AHCYL2: variants seen among roughly 807,000 people sequenced by gnomAD.
AHCYL2 encodes adenosylhomocysteinase like 2.
In AHCYL2, 28 loss-of-function variants were observed where a neutral mutation model predicts 81.4. That is an observed-to-expected ratio of 0.34 (90% CI 0.25 to 0.47). AHCYL2 has a LOEUF of 0.47. Ranked by LOEUF, AHCYL2 falls within the 20% of genes least tolerant of loss-of-function variation. AHCYL2 has a pLI of 1.00. For synonymous variants in AHCYL2, 272 were observed against 290.2 expected, an observed-to-expected ratio of 0.94 and a Z score of 0.64; for missense variants, 551 against 785.1, an observed-to-expected ratio of 0.70 and a Z score of 3.56.
intron 13 of AHCYL2, 116 bp downstream of exon 13, chr7:129,423,054 C>T: frequency 2.7e-6 from 2 of 737,872 alleles, no homozygotes; most frequent in Non-Finnish European, 4.3e-6. Context: ...ACAAGTTTGA[C>T]TACTTTCCCA....
chr7:129,395,136 G>A (rs1411042186), intron 4 of AHCYL2, among the ~76,000 whole-genome samples: 2 of 152,226 alleles, frequency 1.3e-5, no homozygotes, highest in African/African-American at 4.8e-5. Context: ...TCCTCCAGCA[G>A]TGGACTGCTA....
chr7:129,336,538 A>G (rs542576996), intron 1 of AHCYL2, among the ~76,000 whole-genome samples: 2 of 152,142 alleles, frequency 1.3e-5, no homozygotes, highest in Non-Finnish European at 2.9e-5. Flanking sequence ...GATTATGCAC[A>G]GGAGTTTGGA....
chr7:129,323,905 C>G (rs1439876974), intron 1 of AHCYL2, among the ~76,000 whole-genome samples: 1 of 138,974 alleles, frequency 7.2e-6, no homozygotes, highest in South Asian at 2.3e-4. Context: ...GAGTCTCACT[C>G]TTTCGCCCAG....
intron 1 of AHCYL2, among the ~76,000 whole-genome samples, chr7:129,267,043 C>A: frequency 6.6e-6 from 1 of 151,344 alleles, no homozygotes. Context: ...TACTAAGCAG[C>A]CATCAGAAAT....
At chr7:129,320,948 T>C (rs1797993199) in intron 1 of AHCYL2, among the ~76,000 whole-genome samples, 1 of 152,252 alleles carries the variant, frequency 6.6e-6, no homozygotes, top group South Asian at 2.1e-4. Context: ...TGCCAAGTAA[T>C]GTTACATTGT....
At position 129,419,955 on chromosome 7, in the gene AHCYL2, G is replaced by A. The variant is rs531719520; in HGVS notation, c.1462-2885G>A. On this transcript the variant is annotated intron_variant, in intron 12 of 16. Transcript: ENST00000325006. The surrounding 1 kb of genome is among the most constrained non-coding windows in gnomAD (Gnocchi z 4.7). ...GAGAGATTCTTGTCAAGTTGTGCCA[G>A]CCGTAAGGTAGGAAACCCTTCTGCT... is the stretch of plus-strand genomic sequence containing the variant. Among the ~76,000 whole-genome samples the A allele has an allele frequency of 6.6e-6, 1 of 152,326 alleles. No homozygotes were observed. The highest frequency in any genetic ancestry group is 1.5e-5 in the Non-Finnish European group (1 of 68,024).
Position 129,414,623 on chromosome 7 carries a change from A to G in AHCYL2, c.1461+935A>G, listed in dbSNP as rs542244960. ...TTTAGTAGAGGCAGAGTTTCACCAT[A>G]TTGGCTAGGCTGGTCTCAAACTCCT... On this transcript the variant is annotated intron_variant, in intron 12 of 16. Transcript: ENST00000325006. Among the ~76,000 whole-genome samples the G allele has an allele frequency of 3.5e-4, 53 of 151,530 alleles. No individual in the cohort carries two copies. The East Asian group carries it at 8.0e-3, about 23-fold the overall frequency.
At chr7:129,341,652 G>T (rs2150816844) in intron 1 of AHCYL2, among the ~76,000 whole-genome samples, 1 of 152,090 alleles carries the variant, frequency 6.6e-6, no homozygotes, top group South Asian at 2.1e-4. Flanking sequence ...GGTGGTGATG[G>T]AGGTGGGAGG....
At position 129,406,616 on chromosome 7, in the gene AHCYL2, G is replaced by C; in HGVS notation, c.1295+150G>C. 2.2e-5 allele frequency: 17 copies of C among 764,364 alleles called. No homozygotes were observed. The South Asian group carries it at 2.9e-4, about 13-fold the overall frequency. 47.3% of individuals were successfully genotyped at this position (764,364 alleles called of 1,614,324 possible). ...ATCTGTCTTTTAAAAAGGTCAAGGA[G>C]CTCTGCTTGGAGAGAGCAGAGACTA... is the stretch of plus-strand genomic sequence containing the variant. On this transcript the variant is annotated intron_variant, in intron 10 of 16. Coordinates refer to ENST00000325006, the MANE Select transcript of AHCYL2 (RefSeq NM_015328.4). The surrounding 1 kb of genome is among the most constrained non-coding windows in gnomAD (Gnocchi z 4.3).
intron 1 of AHCYL2, among the ~76,000 whole-genome samples, chr7:129,299,366 C>CTTTT (rs1563186610): frequency 1.2e-5 from 1 of 83,732 alleles, no homozygotes. Context: ...GAGAGTCCAA[C>CTTTT]TTGTTTTTTT....
Position 129,281,477 on chromosome 7 carries a change from T to C in AHCYL2, c.363+56038T>C, listed in dbSNP as rs973979341. Among the ~76,000 whole-genome samples, 22 of 151,194 alleles carry C rather than the reference T, an allele frequency of 1.5e-4. 1 individual carries two copies. The Middle Eastern group carries it at 0.01, about 71-fold the overall frequency. Reference sequence around the variant, plus strand: ...TGGTTGCTTTGTATTTTATTAGTTCTTCTGTTTCTAGATTTTTTTTTTTTT... The same window carrying C: ...TGGTTGCTTTGTATTTTATTAGTTCCTCTGTTTCTAGATTTTTTTTTTTTT... On this transcript the variant is annotated intron_variant, in intron 1 of 16. Transcript: ENST00000325006.
intron 1 of AHCYL2, among the ~76,000 whole-genome samples, chr7:129,300,777 G>T (rs1390953773): frequency 1.3e-5 from 2 of 152,160 alleles, no homozygotes; most frequent in African/African-American, 4.8e-5. Context: ...GCCAGCATTT[G>T]TTATTGCCTG....
rs532727474 is a variant in AHCYL2, at chr7:129,321,751, T to TG, written c.364-57887_364-57886insG. ...ATTTGTATTCTTTCTTTGTTTTTTT[T>TG]TTTTTTTTTTTTTGGTCTTGGTTTT... On this transcript the variant is annotated intron_variant, in intron 1 of 16. Transcript: ENST00000325006. Among the ~76,000 whole-genome samples, 24 of 146,736 alleles carry TG rather than the reference T, an allele frequency of 1.6e-4. 1 individual carries two copies. The South Asian group carries it at 4.5e-3, about 28-fold the overall frequency.
At chr7:129,420,554 A>G (rs1193423641) in intron 12 of AHCYL2, among the ~76,000 whole-genome samples, 1 of 144,734 alleles carries the variant, frequency 6.9e-6, no homozygotes, top group East Asian at 2.0e-4. Flanking sequence ...ATCTCAGCTC[A>G]CTGCAGACTC....
At chr7:129,276,899 T>C (rs927507459) in intron 1 of AHCYL2, among the ~76,000 whole-genome samples, 2 of 152,020 alleles carry the variant, frequency 1.3e-5, no homozygotes, top group African/African-American at 4.8e-5. Context: ...CAAGAAGACA[T>C]ATCTACAAAT....
At chr7:129,242,427 G>A (rs866904455) in intron 1 of AHCYL2, among the ~76,000 whole-genome samples, 1 of 151,520 alleles carries the variant, frequency 6.6e-6, no homozygotes, top group African/African-American at 2.4e-5. Flanking sequence ...AAGCAAAATT[G>A]CTTATGGTGG....
chr7:129,268,948 C>A (rs1333852671), intron 1 of AHCYL2, among the ~76,000 whole-genome samples: 1 of 151,954 alleles, frequency 6.6e-6, no homozygotes. Flanking sequence ...TTTCATCATC[C>A]CAGAAAGAAA....
intron 1 of AHCYL2, among the ~76,000 whole-genome samples, chr7:129,321,772 G>GTTTTTTTTTTTTTTTTTTTTTTT (rs1217148394): frequency 1.9e-4 from 22 of 114,408 alleles, no homozygotes; most frequent in East Asian, 5.3e-4. Flanking sequence ...TTTGGTCTTG[G>GTTTTTTTTTTTTTTTTTTTTTTT]TTTTGTTTTT....
intron 1 of AHCYL2, among the ~76,000 whole-genome samples, chr7:129,359,213 A>C (rs1207003594): frequency 6.6e-6 from 1 of 152,214 alleles, no homozygotes; most frequent in Non-Finnish European, 1.5e-5. Flanking sequence ...AACTTGGACA[A>C]TTCTTAAAAA....
Sources: gnomAD v4.1 joint callset for allele counts (sites outside exome capture counted in the v4.1 genomes callset) on GRCh38, gnomAD v4.1.1 for gene constraint, Gnocchi (gnomAD v3.1) non-coding constraint, MANE v1.5 for transcripts, NCBI Gene and HGNC (gene_info 2026-07-23, HGNC 2026-07-21) for gene names.